EXOC6B: variants seen among roughly 807,000 people sequenced by gnomAD.
EXOC6B encodes the protein exocyst complex component 6B.
In EXOC6B, 54 loss-of-function variants were observed where a neutral mutation model predicts 113.5. The ratio of observed to expected loss-of-function variants is 0.48; its 90% CI spans 0.38 to 0.60. EXOC6B has a LOEUF of 0.60. EXOC6B is among the 20% of genes least tolerant of loss of function. EXOC6B has a pLI of 0.00. For synonymous variants in EXOC6B, 357 were observed against 339.0 expected (o/e 1.05, Z -0.58); for missense variants, 797 against 977.5 (o/e 0.82, Z 2.46).
chr2:72,300,381 C>T (rs1163198456), intron 20 of EXOC6B, among the ~76,000 whole-genome samples: 1 of 152,224 alleles, frequency 6.6e-6, no homozygotes, highest in Non-Finnish European at 1.5e-5. Context: ...CTACACCAAA[C>T]TTGAGCATCC....
At chr2:72,812,864 C>A (rs962528350) in intron 1 of EXOC6B, among the ~76,000 whole-genome samples, 1 of 151,928 alleles carries the variant, frequency 6.6e-6, no homozygotes, top group Non-Finnish European at 1.5e-5. Context: ...AAGACAGTGG[C>A]CTGCTCCATA....
At chr2:72,186,353 A>G (rs1026417527) in intron 20 of EXOC6B, among the ~76,000 whole-genome samples, 14 of 152,190 alleles carry the variant, frequency 9.2e-5, no homozygotes, top group Admixed American at 3.3e-4. Flanking sequence ...TGTAGTCTTC[A>G]AAGACCACTC....
chr2:72,687,913 A>G (rs1265037985), intron 6 of EXOC6B, among the ~76,000 whole-genome samples: 1 of 152,158 alleles, frequency 6.6e-6, no homozygotes, highest in Non-Finnish European at 1.5e-5. Flanking sequence ...TGATATCCCC[A>G]ATCTTCCCTC....
chr2:72,672,572 A>G (rs964203986), intron 6 of EXOC6B, among the ~76,000 whole-genome samples: 3 of 151,772 alleles, frequency 2.0e-5, no homozygotes, highest in Non-Finnish European at 4.4e-5. Context: ...AAAGAAAAAG[A>G]AAAAGAAAAG....
At chr2:72,748,054 T>G (rs541616978) in intron 1 of EXOC6B, among the ~76,000 whole-genome samples, 1 of 152,152 alleles carries the variant, frequency 6.6e-6, no homozygotes, top group South Asian at 2.1e-4. Flanking sequence ...GGAGACTAAC[T>G]GATGAGGATT....
At chr2:72,746,311 A>C (rs1359643654) in intron 1 of EXOC6B, among the ~76,000 whole-genome samples, 1 of 152,116 alleles carries the variant, frequency 6.6e-6, no homozygotes, top group Non-Finnish European at 1.5e-5. Flanking sequence ...AAAGGCAAAC[A>C]AGAAGAAATA....
intron 20 of EXOC6B, among the ~76,000 whole-genome samples, chr2:72,307,173 T>TTTTTTTTTTTTTTTTTTTTTTTTA (rs1686923423): frequency 6.6e-6 from 1 of 151,114 alleles, no homozygotes; most frequent in African/African-American, 2.5e-5. Flanking sequence ...TTTTTTTTTT[T>TTTTTTTTTTTTTTTTTTTTTTTTA]TGAGACGGAG....
intron 7 of EXOC6B, among the ~76,000 whole-genome samples, chr2:72,562,097 A>G (rs1429249681): frequency 6.6e-6 from 1 of 152,154 alleles, no homozygotes; most frequent in African/African-American, 2.4e-5. Flanking sequence ...GGAACCAAGA[A>G]GAGTGCTGTG....
chr2:72,602,082 C>T lies in EXOC6B; in HGVS notation c.670-26414G>A, dbSNP rs149425526. ...GTCTAGGTCTCTTATAAACCTCTAC[C>T]TAATTATTTCCCTTTTCTCAGTAAA... On this transcript the variant is annotated intron_variant, in intron 6 of 21. Coordinates refer to ENST00000272427, the MANE Select transcript of EXOC6B (RefSeq NM_015189.3). Among the ~76,000 whole-genome samples the T allele has an allele frequency of 2.6e-5, 4 of 152,218 alleles. No individual in the cohort carries two copies. In the East Asian group the frequency reaches 7.7e-4, roughly 29 times the overall value.
At chr2:72,750,435 G>A (rs1037574386) in intron 1 of EXOC6B, among the ~76,000 whole-genome samples, 2 of 151,994 alleles carry the variant, frequency 1.3e-5, no homozygotes, top group African/African-American at 4.8e-5. Flanking sequence ...CTGACCTAAT[G>A]CTTCTATTTT....
intron 18 of EXOC6B, among the ~76,000 whole-genome samples, chr2:72,452,895 T>G (rs2105367476): frequency 6.6e-6 from 1 of 152,318 alleles, no homozygotes; most frequent in Non-Finnish European, 1.5e-5. Flanking sequence ...TTCTTTATAA[T>G]GATCACACAT....
intron 17 of EXOC6B, among the ~76,000 whole-genome samples, chr2:72,467,889 C>T (rs772899542): frequency 1.3e-5 from 2 of 151,892 alleles, no homozygotes; most frequent in Admixed American, 6.6e-5. Flanking sequence ...TCCTGCCTCA[C>T]CCTCCCGAGT....
chr2:72,221,988 G>A (rs1426034169), intron 20 of EXOC6B, among the ~76,000 whole-genome samples: 1 of 152,148 alleles, frequency 6.6e-6, no homozygotes, highest in African/African-American at 2.4e-5. Context: ...ACTGGGTAAG[G>A]GCAAGGGAGA....
At chr2:72,432,378 A>G (rs998317441) in intron 18 of EXOC6B, among the ~76,000 whole-genome samples, 1 of 152,218 alleles carries the variant, frequency 6.6e-6, no homozygotes, top group African/African-American at 2.4e-5. Flanking sequence ...TAGTGCTGCA[A>G]TAAACATACA....
intron 20 of EXOC6B, among the ~76,000 whole-genome samples, chr2:72,231,375 C>T (rs1180368412): frequency 3.3e-5 from 5 of 151,886 alleles, no homozygotes; most frequent in Admixed American, 2.0e-4. Flanking sequence ...TAAAATGGAA[C>T]AGTAAAGAAG....
At chr2:72,772,114 A>G (rs949604392) in intron 1 of EXOC6B, among the ~76,000 whole-genome samples, 1 of 152,176 alleles carries the variant, frequency 6.6e-6, no homozygotes, top group Non-Finnish European at 1.5e-5. Flanking sequence ...ACGGCTTCAC[A>G]TTATCCATGA....
At chr2:72,697,157 G>T (rs187882817) in intron 6 of EXOC6B, among the ~76,000 whole-genome samples, 2 of 103,268 alleles carry the variant, frequency 1.9e-5, no homozygotes, top group African/African-American at 3.8e-5. Context: ...TAGATATGGG[G>T]TATACACACA....
intron 5 of EXOC6B, among the ~76,000 whole-genome samples, chr2:72,721,206 A>G (rs56058174): frequency 0.21 from 32,543 of 151,406 alleles, 5,802 homozygotes; most frequent in African/African-American, 0.49. Context: ...GTGGGAGCCT[A>G]TAATCCCAGC....
chr2:72,342,628 G>T (rs185853934), intron 19 of EXOC6B, among the ~76,000 whole-genome samples: 1 of 152,218 alleles, frequency 6.6e-6, no homozygotes, highest in Admixed American at 6.6e-5. Flanking sequence ...AAAGAGAATG[G>T]AGGTTCCTCA....
Sources: allele counts gnomAD v4.1 joint callset (sites outside exome capture counted in the v4.1 genomes callset), GRCh38; gene constraint gnomAD v4.1.1; transcripts MANE v1.5; gene names NCBI Gene and HGNC (gene_info 2026-07-23, HGNC 2026-07-21).